The following ITGB5 variants were observed in gnomAD, a reference collection of about 807,000 sequenced individuals.
The protein encoded by ITGB5 is integrin subunit beta 5.
A neutral mutation model predicts 84.8 loss-of-function variants in ITGB5; 38 were observed. The observed-to-expected ratio is 0.45, with a 90% CI of 0.35 to 0.59. ITGB5 has a LOEUF of 0.59. ITGB5 is among the 20% of genes least tolerant of loss of function. ITGB5 has a pLI of 0.01. For synonymous variants in ITGB5, 393 were observed against 414.4 expected (o/e 0.95, Z 0.63); for missense variants, 905 against 1,034.5 (o/e 0.87, Z 1.72).
At chr3:124,777,969 G>A (rs534973784) in intron 10 of ITGB5, among the ~76,000 whole-genome samples, 13 of 152,286 alleles carry the variant, frequency 8.5e-5, no homozygotes, top group African/African-American at 1.9e-4. Context: ...AAGGACCAGC[G>A]TCATTTGGCC....
At chr3:124,781,488 G>A (rs1005271923) in intron 10 of ITGB5, among the ~76,000 whole-genome samples, 4 of 152,128 alleles carry the variant, frequency 2.6e-5, no homozygotes, top group African/African-American at 9.7e-5. Context: ...GGTGTTGATT[G>A]TAGAAAAAGT....
At chr3:124,851,511 G>A (rs574916974) in intron 3 of ITGB5, among the ~76,000 whole-genome samples, 1 of 151,872 alleles carries the variant, frequency 6.6e-6, no homozygotes, top group Admixed American at 6.6e-5. Context: ...GGGAAAGAAG[G>A]CATGATATAT....
At chr3:124,802,503 G>A (rs1022928877) in intron 9 of ITGB5, among the ~76,000 whole-genome samples, 9 of 152,186 alleles carry the variant, frequency 5.9e-5, no homozygotes, top group African/African-American at 1.9e-4. Flanking sequence ...CTCCTTCAAC[G>A]AAGAGGGAAA....
chr3:124,770,909 C>T (rs1432044820), intron 11 of ITGB5, among the ~76,000 whole-genome samples: 1 of 152,004 alleles, frequency 6.6e-6, no homozygotes, highest in Non-Finnish European at 1.5e-5. Context: ...CCACCCTCCC[C>T]CTGCACCAGC....
Position 124,796,780 on chromosome 3 carries a change from G to C in ITGB5, c.1301C>G (p.Pro434Arg), listed in dbSNP as rs1273546147. 6.2e-7 allele frequency: 1 copy of C among 1,612,060 alleles called. No homozygotes were observed. Reference protein sequence around the residue: ...FEVSLEARSCPSRHTEHVFAL... With the variant: ...FEVSLEARSCRSRHTEHVFAL... ...AAACACATGCTCCGTGTGTCTGCTGGGACAGCTTCGGGCCTCCAATGATAC... is the reference window on the plus strand; with the variant it reads ...AAACACATGCTCCGTGTGTCTGCTGCGACAGCTTCGGGCCTCCAATGATAC... The change falls in exon 10 of 15, where the codon CCC becomes CGC. Residue 434 changes from proline to arginine, a missense_variant. Coordinates refer to ENST00000296181, the MANE Select transcript of ITGB5 (RefSeq NM_002213.5).
rs531100460 is a variant in ITGB5 at position 124,803,481 on chromosome 3, C to T, written c.1263+5541G>A. On this transcript the variant is annotated intron_variant, in intron 9 of 14. Transcript: ENST00000296181. ...ACCACAGTAAGGGGCACGTTGGACACGGCACATTGGATGTCCCCATTCCAT... is the reference window on the plus strand; with the variant it reads ...ACCACAGTAAGGGGCACGTTGGACATGGCACATTGGATGTCCCCATTCCAT... Among the ~76,000 whole-genome samples the T allele has an allele frequency of 1.4e-3, 215 of 152,200 alleles. 1 individual carries two copies. Among genetic ancestry groups the T allele is most frequent in the Non-Finnish European group, 2.2e-3 (147 of 68,036 alleles).
chr3:124,841,146 T>C (rs1395425953), intron 5 of ITGB5, among the ~76,000 whole-genome samples: 8 of 152,306 alleles, frequency 5.3e-5, no homozygotes, highest in Non-Finnish European at 7.4e-5. Flanking sequence ...CAGTACTCCA[T>C]TGCACACAAC....
intron 1 of ITGB5, among the ~76,000 whole-genome samples, chr3:124,880,981 A>AGTTT (rs113633976): frequency 0.16 from 23,508 of 147,834 alleles, 2,144 homozygotes; most frequent in South Asian, 0.22. Context: ...CATATGTAAA[A>AGTTT]GTTTGTTTGT....
chr3:124,829,836 C>G (rs569342960), intron 5 of ITGB5, among the ~76,000 whole-genome samples: 1 of 152,208 alleles, frequency 6.6e-6, no homozygotes, highest in Non-Finnish European at 1.5e-5. Context: ...CACCCTGCGA[C>G]GCCACCAAAC....
chr3:124,797,038 G>A (rs1266461147), intron 9 of ITGB5, among the ~76,000 whole-genome samples: 1 of 152,210 alleles, frequency 6.6e-6, no homozygotes, highest in Admixed American at 6.5e-5. Flanking sequence ...CATTTGACAG[G>A]TGAATTCTTT....
intron 14 of ITGB5, 62 bp from the exon 15 acceptor site, chr3:124,763,780 G>C: frequency 1.0e-6 from 1 of 975,038 alleles, no homozygotes; most frequent in Non-Finnish European, 1.6e-6. Context: ...CAAACCGACA[G>C]ACGCAGGCCC....
chr3:124,849,055 C>T (rs975820405), intron 3 of ITGB5, among the ~76,000 whole-genome samples: 1 of 152,328 alleles, frequency 6.6e-6, no homozygotes, highest in African/African-American at 2.4e-5. Context: ...GCTGGGATTA[C>T]AGGTGTGAGC....
At chr3:124,841,821 T>C (rs1395729348) in intron 4 of ITGB5, among the ~76,000 whole-genome samples, 2 of 152,172 alleles carry the variant, frequency 1.3e-5, no homozygotes, top group African/African-American at 2.4e-5. Context: ...ACAGAGATAA[T>C]AGTAGGCTAC....
chr3:124,875,657 T>C (rs759062941), intron 1 of ITGB5, among the ~76,000 whole-genome samples: 1 of 152,078 alleles, frequency 6.6e-6, no homozygotes, highest in Non-Finnish European at 1.5e-5. Context: ...TCGGGGTATA[T>C]AGTCAAAGAA....
At position 124,796,453 on chromosome 3, in the gene ITGB5, A is replaced by G; in HGVS notation, c.1628T>C (p.Ile543Thr). The G allele has an allele frequency of 6.2e-7, 1 of 1,614,136 alleles. No homozygotes were observed. The highest frequency in any genetic ancestry group is 8.5e-7 in the Non-Finnish European group (1 of 1,180,018). ...GTCGCACTCACAGAAAGGCCCATAG[A>G]TCTTGCCAAACTCGCTCTCGAAGCA... ...CSCFESEFGKIYGPFCECDNF... is the reference protein window; with the variant it reads ...CSCFESEFGKTYGPFCECDNF... Residue 543 changes from isoleucine (I) to threonine (T), a missense_variant, in exon 10 of 15, where the codon ATC (isoleucine) becomes ACC (threonine). By Grantham distance (89) the Ile-to-Thr change is moderately conservative. Around this residue, in one of 3 missense-constraint regions of ITGB5, gnomAD observed 656 missense variants for 734.7 expected, o/e 0.89. Coordinates refer to ENST00000296181, the MANE Select transcript of ITGB5 (RefSeq NM_002213.5).
chr3:124,863,149 T>C (rs560059638), intron 2 of ITGB5: 5 of 152,310 alleles, frequency 3.3e-5, no homozygotes, highest in East Asian at 1.9e-4. Context: ...CTCAACAACT[T>C]TGAGGCATCT....
At chr3:124,844,071 A>G (rs190522693) in intron 4 of ITGB5, among the ~76,000 whole-genome samples, 3 of 152,308 alleles carry the variant, frequency 2.0e-5, no homozygotes, top group Admixed American at 2.0e-4. Flanking sequence ...CTAAACATAT[A>G]CAACTGCTGG....
intron 10 of ITGB5, among the ~76,000 whole-genome samples, chr3:124,776,257 G>T (rs925461297): frequency 6.6e-6 from 1 of 152,076 alleles, no homozygotes; most frequent in Non-Finnish European, 1.5e-5. Flanking sequence ...CACCAGTCTG[G>T]GACCAGCACC....
At chr3:124,861,547 T>A (rs2065303019) in intron 2 of ITGB5, among the ~76,000 whole-genome samples, 1 of 129,004 alleles carries the variant, frequency 7.8e-6, no homozygotes, top group South Asian at 2.5e-4. Context: ...CACATATATA[T>A]ATTATTCTGG....
Sources: gnomAD v4.1 joint callset for allele counts (sites outside exome capture counted in the v4.1 genomes callset) on GRCh38, gnomAD v4.1.1 for gene constraint, gnomAD v4.1.1 regional missense constraint, MANE v1.5 for transcripts, NCBI Gene and HGNC (gene_info 2026-07-23, HGNC 2026-07-21) for gene names.